The following DOCK10 variants were observed in gnomAD, a reference collection of about 807,000 sequenced individuals.
The protein encoded by DOCK10 is dedicator of cytokinesis protein 10.
DOCK10 carries 145 observed loss-of-function variants against 280.1 expected under a neutral mutation model. The ratio of observed to expected loss-of-function variants is 0.52; its 90% confidence interval spans 0.45 to 0.59. The LOEUF (loss-of-function observed/expected upper bound fraction) is 0.59. DOCK10 is among the 20% of genes least tolerant of loss of function. The probability of loss-of-function intolerance (pLI) is 0.00; values close to 1 mark genes in which losing one functional copy is unlikely to be tolerated. For missense variants in DOCK10, 2,368 were observed against 2,651.7 expected (o/e 0.89, Z 2.35); for synonymous variants, 915 against 942.2 (o/e 0.97, Z 0.53).
intron 2 of DOCK10, among the ~76,000 whole-genome samples, chr2:224,925,389 A>C (rs1199474152): frequency 6.6e-6 from 1 of 152,222 alleles, no homozygotes; most frequent in Non-Finnish European, 1.5e-5. Flanking sequence ...TTTAATAGCC[A>C]GTGAAAAGTG....
chr2:224,886,457 A>G lies in DOCK10; in HGVS notation c.489+2T>C, dbSNP rs1699289220. 5 of 1,608,230 alleles carry G rather than the reference A, an allele frequency of 3.1e-6. No individual in the cohort carries two copies. Among genetic ancestry groups the G allele is most frequent in the African/African-American group, 1.3e-5 (1 of 74,716 alleles). ...ACATCTCACTTTCAACTATTTACTT[A>G]CTTCATCCTTATCAGCATCTTCATG... On this transcript the variant is annotated splice_donor_variant, in intron 5 of 55. Transcript: ENST00000258390. LOFTEE classifies it high-confidence loss of function.
intron 39 of DOCK10, among the ~76,000 whole-genome samples, chr2:224,803,361 T>G (rs1487425204): frequency 6.6e-6 from 1 of 152,130 alleles, no homozygotes. Context: ...ATTCTATGAT[T>G]TATTCGCTAT....
intron 1 of DOCK10, among the ~76,000 whole-genome samples, chr2:224,933,748 C>T (rs1373791923): frequency 6.6e-6 from 1 of 152,170 alleles, no homozygotes; most frequent in Non-Finnish European, 1.5e-5. Context: ...CTTCTCCCTC[C>T]TCACACCAAA....
intron 1 of DOCK10, among the ~76,000 whole-genome samples, chr2:225,023,443 A>C (rs1331885858): frequency 6.6e-6 from 1 of 152,230 alleles, no homozygotes; most frequent in Non-Finnish European, 1.5e-5. Context: ...AAAGTGGCCA[A>C]TAAACATATA....
At chr2:224,892,218 G>GA (rs935877399) in intron 4 of DOCK10, among the ~76,000 whole-genome samples, 11 of 151,768 alleles carry the variant, frequency 7.2e-5, no homozygotes, top group Non-Finnish European at 1.6e-4. Flanking sequence ...CCAACATAGT[G>GA]AAACCCTGTC....
At chr2:224,943,633 T>C (rs1276229833) in intron 1 of DOCK10, among the ~76,000 whole-genome samples, 1 of 152,234 alleles carries the variant, frequency 6.6e-6, no homozygotes, top group African/African-American at 2.4e-5. Flanking sequence ...CTTTCTTCTT[T>C]AACTTTAGGT....
At chr2:224,909,447 G>C (rs1294371847) in intron 3 of DOCK10, among the ~76,000 whole-genome samples, 1 of 152,126 alleles carries the variant, frequency 6.6e-6, no homozygotes, top group African/African-American at 2.4e-5. Context: ...CCTATTTAAA[G>C]ATGGAAAAAC....
intron 1 of DOCK10, among the ~76,000 whole-genome samples, chr2:225,037,886 C>A (rs1439911262): frequency 2.0e-5 from 3 of 152,164 alleles, no homozygotes; most frequent in African/African-American, 7.2e-5. Context: ...AAAGTTATTT[C>A]TCCAATGCCC....
rs891930533 is a variant in DOCK10 at position 225,018,366 on chromosome 2, G to A, written c.123+23886C>T. On this transcript the variant is annotated intron_variant, in intron 1 of 55. Transcript: ENST00000258390. ...ATAGGGGCCGAGTGATATGCGTAAC[G>A]TGCATCGCATCCTAACTATTGCTCT... 1.1e-4 allele frequency among the ~76,000 whole-genome samples: 16 copies of A among 151,454 alleles called. No individual in the cohort carries two copies. The East Asian group carries it at 2.9e-3, about 28-fold the overall frequency.
chr2:224,802,158 A>T, intron 39 of DOCK10, 118 bp from the exon 40 acceptor site: 1 of 1,013,648 alleles, frequency 9.9e-7, no homozygotes, highest in Non-Finnish European at 1.4e-6. Flanking sequence ...TTTGGAAAGC[A>T]ACTTTTTATT....
intron 1 of DOCK10, among the ~76,000 whole-genome samples, chr2:225,006,514 A>T (rs1237721759): frequency 6.6e-6 from 1 of 152,164 alleles, no homozygotes; most frequent in Admixed American, 6.5e-5. Context: ...CAATGCTTCC[A>T]ATCAAAATCC....
At chr2:225,014,557 T>G (rs1178368043) in intron 1 of DOCK10, among the ~76,000 whole-genome samples, 9 of 152,166 alleles carry the variant, frequency 5.9e-5, no homozygotes. Context: ...TTGAAATGTC[T>G]ACTAATCATG....
At chr2:224,789,013 C>G in intron 48 of DOCK10, 51 bp downstream of exon 48, 1 of 1,130,310 alleles carries the variant, frequency 8.8e-7, no homozygotes, top group Non-Finnish European at 1.3e-6. Context: ...ATGTCACAAG[C>G]CAATGCATCT....
chr2:224,858,131 G>A (rs1421229551), intron 14 of DOCK10, among the ~76,000 whole-genome samples: 1 of 152,172 alleles, frequency 6.6e-6, no homozygotes, highest in Non-Finnish European at 1.5e-5. Context: ...AAACTAACAT[G>A]ATACAATTCC....
intron 1 of DOCK10, among the ~76,000 whole-genome samples, chr2:224,986,073 A>T (rs1331325104): frequency 1.3e-5 from 2 of 152,186 alleles, no homozygotes; most frequent in Non-Finnish European, 2.9e-5. Context: ...GGTGAAGCCC[A>T]CATTCTTCTC....
chr2:225,006,948 C>T (rs1000468198), intron 1 of DOCK10, among the ~76,000 whole-genome samples: 4 of 152,190 alleles, frequency 2.6e-5, no homozygotes, highest in South Asian at 4.1e-4. Flanking sequence ...CACCTAACTG[C>T]AGTCAAGAGC....
chr2:224,974,738 A>C (rs1485934072), intron 1 of DOCK10, among the ~76,000 whole-genome samples: 1 of 126,396 alleles, frequency 7.9e-6, no homozygotes, highest in African/African-American at 2.6e-5. Context: ...TTTCATCTCC[A>C]CAGTATGATT....
In DOCK10 at chr2:224,765,793, G is replaced by C; in HGVS notation, c.6489C>G (p.Thr2163=). Residue 2163 remains threonine (T), a synonymous_variant, in exon 56 of 56, where the codon ACC becomes ACG. Transcript: ENST00000258390. ...TTGCTTTGCTAATTACTCGAGTGCA[G>C]GTTTGGTCCACTCCGCGCTTTGACA... is the stretch of plus-strand genomic sequence containing the variant. The part of the protein sequence containing the change: ...DDLSKRGVDQ[T]CTRVISKATP... The C allele has an allele frequency of 1.9e-6, 3 of 1,613,886 alleles. No homozygotes were observed. The highest frequency in any genetic ancestry group is 2.5e-6 in the Non-Finnish European group (3 of 1,179,864).
chr2:224,880,779 A>C (rs1481879271), intron 7 of DOCK10, among the ~76,000 whole-genome samples: 1 of 152,228 alleles, frequency 6.6e-6, no homozygotes, highest in East Asian at 1.9e-4. Context: ...TGAATATCAA[A>C]GAGGGAAGCT....
Sources: allele counts gnomAD v4.1 joint callset (sites outside exome capture counted in the v4.1 genomes callset), GRCh38; gene constraint gnomAD v4.1.1; transcripts MANE v1.5; gene names NCBI Gene and HGNC (gene_info 2026-07-23, HGNC 2026-07-21).